CD4: variants seen among roughly 807,000 people sequenced by gnomAD.
CD4 encodes the protein T-cell surface glycoprotein CD4.
In CD4, 25 loss-of-function variants were observed where a neutral mutation model predicts 50.5. That is an observed-to-expected ratio of 0.49 (90% confidence interval 0.36 to 0.69). CD4 has a LOEUF of 0.69. Among genes scored for constraint, CD4 ranks in the 30% least tolerant of loss-of-function variants. The pLI, the probability that CD4 is intolerant of heterozygous loss-of-function variation, is 0.00. For synonymous variants in CD4, 207 were observed against 221.9 expected (o/e 0.93, Z 0.60); for missense variants, 456 against 548.5 (o/e 0.83, Z 1.68).
intron 1 of CD4, among the ~76,000 whole-genome samples, chr12:6,794,890 C>T (rs771814218): frequency 1.4e-4 from 21 of 149,694 alleles, no homozygotes; most frequent in Non-Finnish European, 3.0e-4. Context: ...GGGTTCTAAG[C>T]GATTCTCCTG....
At chr12:6,794,794 T>TTTTTTTTTTTTTTTTTTTTTTTTTTTTTG (rs1328754543) in intron 1 of CD4, among the ~76,000 whole-genome samples, 1 of 140,528 alleles carries the variant, frequency 7.1e-6, no homozygotes, top group Non-Finnish European at 1.6e-5. Context: ...TTGTTTTTTT[T>TTTTTTTTTTTTTTTTTTTTTTTTTTTTTG]TTTTTTTTGA....
intron 1 of CD4, among the ~76,000 whole-genome samples, chr12:6,794,415 A>C (rs1942300909): frequency 6.7e-6 from 1 of 148,814 alleles, no homozygotes; most frequent in African/African-American, 2.5e-5. Flanking sequence ...TCTGTTGCCC[A>C]GGCTGGAGTG....
chr12:6,798,738 A>T (rs1942452294), intron 1 of CD4: 1 of 152,346 alleles, frequency 6.6e-6, no homozygotes. Context: ...ACTGTCCCAC[A>T]CATTTCTACA....
At chr12:6,804,168 A>G (rs1458159433) in intron 3 of CD4, among the ~76,000 whole-genome samples, 17 of 3,150 alleles carry the variant, frequency 5.4e-3, no homozygotes, top group Admixed American at 0.014. Context: ...AAAAGCACAC[A>G]CACACACACA....
chr12:6,815,796 A>T, intron 5 of CD4: 6 of 1,449,234 alleles, frequency 4.1e-6, no homozygotes, highest in Non-Finnish European at 5.5e-6. Context: ...TCCTAAGGAC[A>T]GCAAGGATCC....
intron 3 of CD4, among the ~76,000 whole-genome samples, chr12:6,809,843 C>T (rs566626745): frequency 6.6e-6 from 1 of 151,742 alleles, no homozygotes; most frequent in Non-Finnish European, 1.5e-5. Context: ...TTCTCCCTTC[C>T]TGTAATGTCC....
rs150948567 is a variant in CD4, at chr12:6,804,207, C to T, written c.214+3736C>T. ...ACACACACACAATGCAAAAGACCCA[C>T]CCTACTACAACTAACATTATATTTA... On this transcript the variant is annotated intron_variant, in intron 3 of 9. Transcript: ENST00000011653. Among the ~76,000 whole-genome samples the T allele has an allele frequency of 1.8e-3, 274 of 151,786 alleles. 1 individual carries two copies. In the South Asian group the frequency reaches 0.022, roughly 12 times the overall value.
intron 1 of CD4, among the ~76,000 whole-genome samples, chr12:6,793,272 G>A (rs747535010): frequency 6.6e-6 from 1 of 152,102 alleles, no homozygotes; most frequent in Non-Finnish European, 1.5e-5. Flanking sequence ...ATGGAGCTGG[G>A]GGAGTCAAAA....
chr12:6,808,450 C>CAAAAAAAAAAAAA (rs3032789), intron 3 of CD4, among the ~76,000 whole-genome samples: 23 of 37,810 alleles, frequency 6.1e-4, no homozygotes, highest in South Asian at 2.3e-3. Context: ...GATTCTGTCT[C>CAAAAAAAAAAAAA]AAAAAAAAAA....
chr12:6,812,953 G>A (rs1463875956), intron 3 of CD4, among the ~76,000 whole-genome samples: 1 of 151,886 alleles, frequency 6.6e-6, no homozygotes, highest in Non-Finnish European at 1.5e-5. Flanking sequence ...TGTCGCCCAG[G>A]GTGGAGTGCA....
intron 1 of CD4, among the ~76,000 whole-genome samples, chr12:6,798,178 T>TC (rs1942428277): frequency 6.6e-6 from 1 of 151,514 alleles, no homozygotes; most frequent in African/African-American, 2.4e-5. Flanking sequence ...TTTTCTTTTT[T>TC]TTTTTTTTTG....
At chr12:6,790,018 G>A (rs1565486345) in intron 1 of CD4, among the ~76,000 whole-genome samples, 1 of 152,068 alleles carries the variant, frequency 6.6e-6, no homozygotes, top group Admixed American at 6.6e-5. Context: ...GGGCAGTTGA[G>A]GGGAGAAGAC....
intron 1 of CD4, among the ~76,000 whole-genome samples, chr12:6,796,354 CT>C (rs1942376703): frequency 6.6e-6 from 1 of 152,208 alleles, no homozygotes; most frequent in South Asian, 2.1e-4. Flanking sequence ...AAAGATGCCA[CT>C]GGGGGAAAGA....
In CD4 at chr12:6,816,123, C is replaced by T. The variant is rs201478443; in HGVS notation, c.675C>T (p.Leu225=). The T allele has an allele frequency of 3.7e-6, 6 of 1,614,090 alleles. No homozygotes were observed. The African/African-American group carries it at 4.0e-5, about 11-fold the overall frequency. The change falls in exon 6 of 10, where the codon CTC becomes CTT. Residue 225 remains leucine, a synonymous_variant. Transcript: ENST00000011653. The surrounding 1 kb of genome is among the most constrained non-coding windows in gnomAD (Gnocchi z 4.9). Reference sequence around the variant, plus strand: ...AACAGGTGGAGTTCTCCTTCCCACTCGCCTTTACAGTTGAAAAGCTGACGG... The same window carrying T: ...AACAGGTGGAGTTCTCCTTCCCACTTGCCTTTACAGTTGAAAAGCTGACGG... ...EGEQVEFSFP[L]AFTVEKLTGS...
intron 3 of CD4, among the ~76,000 whole-genome samples, chr12:6,807,206 C>T (rs889072958): frequency 6.6e-6 from 1 of 152,000 alleles, no homozygotes; most frequent in African/African-American, 2.4e-5. Context: ...ATGCAACAAT[C>T]CAGCAATATT....
At chr12:6,811,491 C>CTTT (rs11318741) in intron 3 of CD4, among the ~76,000 whole-genome samples, 31 of 111,024 alleles carry the variant, frequency 2.8e-4, no homozygotes, top group Admixed American at 3.8e-4. Flanking sequence ...TTTTCTTTTT[C>CTTT]TTTTTTTTTT....
At chr12:6,801,961 C>T (rs782626501) in intron 3 of CD4, among the ~76,000 whole-genome samples, 14 of 150,018 alleles carry the variant, frequency 9.3e-5, no homozygotes, top group South Asian at 2.1e-4. Flanking sequence ...GCAAGCTCTG[C>T]CTCCCAGGTT....
At chr12:6,796,982 C>T (rs557914434) in intron 1 of CD4, among the ~76,000 whole-genome samples, 2 of 152,288 alleles carry the variant, frequency 1.3e-5, no homozygotes, top group Non-Finnish European at 2.9e-5. Context: ...AATGGGGACA[C>T]CTCTCCCCTT....
At position 6,816,926 on chromosome 12, in the gene CD4, T is replaced by C. The variant is rs376396311; in HGVS notation, c.956-204T>C. Reference sequence around the variant, plus strand: ...TACTATCTGGGTGCAGGTTGTTAAGTCACTTGCCCAGAGACACACAGCTGC... The same window carrying C: ...TACTATCTGGGTGCAGGTTGTTAAGCCACTTGCCCAGAGACACACAGCTGC... On this transcript the variant is annotated intron_variant, in intron 6 of 9. Coordinates refer to ENST00000011653, the MANE Select transcript of CD4 (RefSeq NM_000616.5). The surrounding 1 kb of genome is among the most constrained non-coding windows in gnomAD (Gnocchi z 4.9). 5.7e-4 allele frequency among the ~76,000 whole-genome samples: 87 copies of C among 152,302 alleles called. 4 individuals are homozygous for C. The South Asian group carries it at 0.018, about 32-fold the overall frequency.
Sources: gnomAD v4.1 joint callset for allele counts (sites outside exome capture counted in the v4.1 genomes callset) on GRCh38, gnomAD v4.1.1 for gene constraint, Gnocchi (gnomAD v3.1) non-coding constraint, MANE v1.5 for transcripts, NCBI Gene and HGNC (gene_info 2026-07-23, HGNC 2026-07-21) for gene names.